Variants in MSRA observed in about 807,000 individuals in gnomAD.
MSRA encodes methionine sulfoxide reductase A, also known as mitochondrial peptide methionine sulfoxide reductase.
Under a neutral mutation model 31.3 loss-of-function variants are expected in MSRA, and 54 were observed. The ratio of observed to expected loss-of-function variants is 1.73; its 90% CI spans 1.39 to 2.17. The LOEUF is 2.17. MSRA is among the 30% of genes most tolerant of loss of function. The probability of loss-of-function intolerance (pLI) is 0.00; values close to 1 mark genes in which losing one functional copy is unlikely to be tolerated. For synonymous variants in MSRA, 169 were observed against 116.5 expected, an observed-to-expected ratio of 1.45 and a Z score of -2.90; for missense variants, 507 against 300.9, an observed-to-expected ratio of 1.69 and a Z score of -5.07.
chr8:10,305,409 CTTTTTTTTTT>C (rs549346544), intron 4 of MSRA, among the ~76,000 whole-genome samples: 1 of 122,968 alleles, frequency 8.1e-6, no homozygotes, highest in Non-Finnish European at 1.6e-5. Flanking sequence ...TGTTTTCTTC[CTTTTTTTTTT>C]TTTTTTTTTT....
intron 1 of MSRA, among the ~76,000 whole-genome samples, chr8:10,163,003 G>A (rs181879650): frequency 6.6e-6 from 1 of 152,252 alleles, no homozygotes; most frequent in African/African-American, 2.4e-5. Context: ...TTGGGGAGGG[G>A]GCTCTGGGAG....
Position 10,078,075 on chromosome 8 carries a change from T to A in MSRA, c.142+23417T>A, listed in dbSNP as rs1798084224. On this transcript the variant is annotated intron_variant, in intron 1 of 5. Transcript: ENST00000317173. ...AAATTAAACACAAAAAATAAAAGTT[T>A]AATTTAGAACTGCCCTAAAGCCAAA... Among the ~76,000 whole-genome samples, 7 of 152,342 alleles carry A rather than the reference T, an allele frequency of 4.6e-5. No individual in the cohort carries two copies. In the South Asian group the frequency reaches 1.4e-3, roughly 32 times the overall value.
chr8:10,407,593 C>T (rs1423555411), intron 5 of MSRA, among the ~76,000 whole-genome samples: 3 of 152,120 alleles, frequency 2.0e-5, no homozygotes, highest in Non-Finnish European at 2.9e-5. Flanking sequence ...GAAGACCAAC[C>T]GCTTTGGGAA....
intron 1 of MSRA, among the ~76,000 whole-genome samples, chr8:10,167,249 G>C (rs909676950): frequency 2.0e-5 from 3 of 152,192 alleles, no homozygotes; most frequent in African/African-American, 4.8e-5. Flanking sequence ...AGTGTTGTGA[G>C]CTTTAACTGG....
intron 3 of MSRA, among the ~76,000 whole-genome samples, chr8:10,264,403 A>G (rs962246436): frequency 1.3e-5 from 2 of 152,246 alleles, no homozygotes; most frequent in Middle Eastern, 3.2e-3. Flanking sequence ...TGCAAGATAT[A>G]TTTGATTCTA....
rs989239941 is a variant in MSRA, at chr8:10,245,030, G to C, written c.212-74G>C. ...CTTTTTTTTTTTCTTCATGTAACAG[G>C]TGTATGTGGATGTGCAATGACCACT... On this transcript the variant is annotated intron_variant, in intron 2 of 5. Transcript: ENST00000317173. 2.8e-6 allele frequency: 4 copies of C among 1,439,214 alleles called. No homozygotes were observed. The Admixed American group carries it at 8.3e-5, about 30-fold the overall frequency. 89.2% of individuals were successfully genotyped at this position (1,439,214 alleles called of 1,614,324 possible). A position where few individuals can be genotyped will look rare whatever the true frequency, so the allele number is the denominator to read the frequency against.
At chr8:10,124,170 C>T (rs530131619) in intron 1 of MSRA, among the ~76,000 whole-genome samples, 1 of 152,080 alleles carries the variant, frequency 6.6e-6, no homozygotes, top group African/African-American at 2.4e-5. Context: ...TCAAGACCTT[C>T]TTTGGGGACA....
intron 3 of MSRA, among the ~76,000 whole-genome samples, chr8:10,275,675 T>C (rs1463313511): frequency 6.6e-6 from 1 of 152,172 alleles, no homozygotes; most frequent in African/African-American, 2.4e-5. Context: ...CCCAATGGAT[T>C]AGGAAATGTG....
intron 3 of MSRA, among the ~76,000 whole-genome samples, chr8:10,257,718 G>A (rs1023522449): frequency 2.6e-5 from 4 of 152,178 alleles, no homozygotes; most frequent in African/African-American, 7.2e-5. Flanking sequence ...AAGTACAGTT[G>A]TCTCTCCGTG....
At chr8:10,080,331 T>C (rs571004897) in intron 1 of MSRA, among the ~76,000 whole-genome samples, 3 of 151,848 alleles carry the variant, frequency 2.0e-5, no homozygotes, top group South Asian at 2.1e-4. Context: ...TTTTTTTTTT[T>C]CCTGAAATTT....
At chr8:10,214,631 A>C (rs1217107106) in intron 2 of MSRA, among the ~76,000 whole-genome samples, 1 of 152,212 alleles carries the variant, frequency 6.6e-6, no homozygotes, top group Non-Finnish European at 1.5e-5. Flanking sequence ...AAAAGGCCAG[A>C]AAGAATGACA....
intron 1 of MSRA, among the ~76,000 whole-genome samples, chr8:10,155,754 T>TA (rs950944902): frequency 6.6e-6 from 1 of 151,922 alleles, no homozygotes; most frequent in Non-Finnish European, 1.5e-5. Context: ...ATAAGTACAT[T>TA]AAAAAAACCC....
chr8:10,141,404 C>T (rs1802693800), intron 1 of MSRA, among the ~76,000 whole-genome samples: 1 of 152,182 alleles, frequency 6.6e-6, no homozygotes, highest in Non-Finnish European at 1.5e-5. Flanking sequence ...AGAAGCCTGG[C>T]ACCAGAAAGG....
rs1554547076 is a variant in MSRA at position 10,385,812 on chromosome 8, T to TCGG, written c.544-42336_544-42335insCGG. Among the ~76,000 whole-genome samples the TCGG allele has an allele frequency of 8.6e-4, 125 of 145,884 alleles. 3 individuals carry two copies. Among genetic ancestry groups the TCGG allele is most frequent in the Non-Finnish European group, 3.6e-4 (24 of 66,010 alleles). On this transcript the variant is annotated intron_variant, in intron 5 of 5. Transcript: ENST00000317173. ...ATGTTGTCACTCACCTGGTGGGGGG[T>TCGG]GGGGTGTCTTCCTAAAAAAGCAGGT...
chr8:10,354,607 G>A (rs557663182), intron 5 of MSRA, among the ~76,000 whole-genome samples: 11 of 151,824 alleles, frequency 7.2e-5, no homozygotes, highest in South Asian at 2.1e-4. Context: ...GTGAAATATC[G>A]GTCAGTAAAA....
intron 3 of MSRA, among the ~76,000 whole-genome samples, chr8:10,280,550 A>G (rs995310315): frequency 1.3e-5 from 2 of 152,122 alleles, no homozygotes; most frequent in African/African-American, 4.8e-5. Context: ...AATATTTGTA[A>G]CCCTCATACA....
chr8:10,402,291 G>C (rs1187803316), intron 5 of MSRA, among the ~76,000 whole-genome samples: 1 of 152,218 alleles, frequency 6.6e-6, no homozygotes, highest in Admixed American at 6.5e-5. Context: ...GCCTACCCCT[G>C]GAGGGACCCT....
chr8:10,245,047 A>AT, intron 2 of MSRA, 57 bp from the exon 3 acceptor site: 2 of 1,579,196 alleles, frequency 1.3e-6, no homozygotes, highest in African/African-American at 1.4e-5. Flanking sequence ...TGGATGTGCA[A>AT]TGACCACTTT....
chr8:10,172,413 G>A lies in MSRA; in HGVS notation c.143-35420G>A, dbSNP rs1011505014. Among the ~76,000 whole-genome samples the A allele has an allele frequency of 1.1e-4, 17 of 152,110 alleles. 1 individual carries two copies. The highest frequency in any genetic ancestry group is 2.1e-4 in the Non-Finnish European group (14 of 68,014). ...CTGGCGCTGTCTCTGAAGCTTGAGCGGAAGAGTCCAGCTGTGGTCAGTGGA... is the reference window on the plus strand; with the variant it reads ...CTGGCGCTGTCTCTGAAGCTTGAGCAGAAGAGTCCAGCTGTGGTCAGTGGA... On this transcript the variant is annotated intron_variant, in intron 1 of 5. Coordinates refer to ENST00000317173, the MANE Select transcript of MSRA (RefSeq NM_012331.5).
Sources: allele counts gnomAD v4.1 joint callset (sites outside exome capture counted in the v4.1 genomes callset), GRCh38; gene constraint gnomAD v4.1.1; transcripts MANE v1.5; gene names NCBI Gene and HGNC (gene_info 2026-07-23, HGNC 2026-07-21).